Variants in FREM1 observed in about 807,000 individuals in gnomAD.
FREM1 encodes FRAS1 related extracellular matrix 1, also known as FRAS1-related extracellular matrix protein 1.
A neutral mutation model predicts 210.1 loss-of-function variants in FREM1; 220 were observed. The observed-to-expected ratio is 1.05, with a 90% CI of 0.94 to 1.17. The LOEUF is 1.17. Ranked by LOEUF, FREM1 falls within the 50% of genes most tolerant of loss-of-function variation. The pLI is 0.00. For synonymous variants in FREM1, 1,189 were observed against 980.2 expected, an observed-to-expected ratio of 1.21 and a Z score of -3.98; for missense variants, 3,454 against 2,675.5, an observed-to-expected ratio of 1.29 and a Z score of -6.42.
rs755342109 is a variant in FREM1 at position 14,801,750 on chromosome 9, C to T, written c.3596G>A (p.Arg1199Lys). ...CTCAGAGAAGTCTTTGCTAAACCCCCTATCGATGAGGAGGCCATGGCGTGG... is the reference window on the plus strand; with the variant it reads ...CTCAGAGAAGTCTTTGCTAAACCCCTTATCGATGAGGAGGCCATGGCGTGG... ...QKPRHGLLID[R>K]GFSKDFSENK... The change falls in exon 20 of 37, where the codon AGG becomes AAG. Residue 1199 changes from arginine (R) to lysine (K), a missense_variant. Arg to Lys is a conservative substitution (Grantham distance 26, BLOSUM62 2). Transcript: ENST00000380880. The T allele has an allele frequency of 1.9e-6, 3 of 1,613,954 alleles. No homozygotes were observed. The highest frequency in any genetic ancestry group is 2.5e-6 in the Non-Finnish European group (3 of 1,179,862).
At position 14,824,957 on chromosome 9, in the gene FREM1, C is replaced by G. The variant is rs766898128; in HGVS notation, c.1917G>C (p.Gln639His). The G allele has an allele frequency of 1.2e-6, 2 of 1,604,692 alleles. No individual in the cohort carries two copies. Among genetic ancestry groups the G allele is most frequent in the East Asian group, 4.5e-5 (2 of 44,728 alleles). The stretch of plus-strand genomic sequence containing the variant: ...AAACTCCAGGAGCCTCTTTTGGAAG[C>G]TGGTCATCCACTGGAGTTATATGGA... ...ATIHITPVDD[Q>H]LPKEAPGVSR... The change falls in exon 11 of 37, where the codon CAG (glutamine) becomes CAC (histidine). Residue 639 changes from glutamine (Q) to histidine (H), a missense_variant. Gln to His is a conservative substitution (Grantham distance 24). Transcript: ENST00000380880.
intron 12 of FREM1, 84 bp from the exon 13 acceptor site, chr9:14,823,411 A>C (rs1821742706): frequency 2.4e-6 from 3 of 1,240,622 alleles, no homozygotes; most frequent in Middle Eastern, 2.0e-4. Flanking sequence ...CCATCATGTT[A>C]ATTGATATTG....
Position 14,836,111 on chromosome 9 carries a change from C to A in FREM1, c.1881+5336G>T, listed in dbSNP as rs1200606156. Among the ~76,000 whole-genome samples the A allele has an allele frequency of 6.6e-6, 1 of 152,108 alleles. No homozygotes were observed. The highest frequency in any genetic ancestry group is 2.1e-4 in the South Asian group (1 of 4,830). The stretch of plus-strand genomic sequence containing the variant: ...CTTTCTTTGTTTGGGAAAATAAAAC[C>A]AAGGAACTTCATAGACCCCCAAAGG... On this transcript the variant is annotated intron_variant, in intron 10 of 36. Transcript: ENST00000380880. The surrounding 1 kb of genome is among the most constrained non-coding windows in gnomAD (Gnocchi z 4.9).
At chr9:14,825,758 A>G (rs1006946421) in intron 10 of FREM1, among the ~76,000 whole-genome samples, 3 of 151,752 alleles carry the variant, frequency 2.0e-5, no homozygotes, top group Non-Finnish European at 4.4e-5. Flanking sequence ...CTCCACCCAC[A>G]TATAACACAT....
intron 1 of FREM1, among the ~76,000 whole-genome samples, chr9:14,871,225 A>G (rs181541822): frequency 0.015 from 2,341 of 152,268 alleles, 58 homozygotes; most frequent in African/African-American, 0.051. Flanking sequence ...CTGAAGAATC[A>G]CCACACTGAC....
chr9:14,893,409 G>T (rs1404451798), intron 1 of FREM1, among the ~76,000 whole-genome samples: 2 of 152,162 alleles, frequency 1.3e-5, no homozygotes. Flanking sequence ...CAGCAAAACT[G>T]GTCAGTTATG....
In FREM1 at chr9:14,869,100, G is replaced by C; in HGVS notation, c.-123C>G. The C allele has an allele frequency of 1.6e-6, 1 of 620,184 alleles. No homozygotes were observed. The highest frequency in any genetic ancestry group is 2.7e-6 in the Non-Finnish European group (1 of 363,880). 38.4% of individuals were successfully genotyped at this position (620,184 alleles called of 1,614,324 possible). A position where few individuals can be genotyped will look rare whatever the true frequency, so the allele number is the denominator to read the frequency against. The stretch of plus-strand genomic sequence containing the variant: ...GGGCAGGGTGAGGGGTCCTGACAAT[G>C]TGCCCCGAGATCTTAACATGCCCCT... On this transcript the variant is annotated 5_prime_UTR_variant, in exon 2 of 37. Coordinates refer to ENST00000380880, the MANE Select transcript of FREM1 (RefSeq NM_001379081.2).
chr9:14,819,200 G>A, intron 14 of FREM1, 34 bp downstream of exon 14: 3 of 1,457,566 alleles, frequency 2.1e-6, no homozygotes, highest in Non-Finnish European at 2.8e-6. Flanking sequence ...AGAAACTAAA[G>A]CATGTAAATA....
chr9:14,744,356 T>C (rs949126066), intron 35 of FREM1, among the ~76,000 whole-genome samples: 20 of 152,272 alleles, frequency 1.3e-4, no homozygotes, highest in African/African-American at 4.8e-4. Context: ...CAATAAGACA[T>C]TGAACACTTC....
At chr9:14,881,754 A>C (rs1834829128) in intron 1 of FREM1, among the ~76,000 whole-genome samples, 1 of 152,190 alleles carries the variant, frequency 6.6e-6, no homozygotes, top group African/African-American at 2.4e-5. Context: ...CAGAACAAAG[A>C]CTATATTTCA....
At chr9:14,803,216 TTTTC>T (rs1481892306) in intron 19 of FREM1, among the ~76,000 whole-genome samples, 2 of 141,550 alleles carry the variant, frequency 1.4e-5, no homozygotes, top group African/African-American at 5.2e-5. Flanking sequence ...CTTCTTTCTC[TTTTC>T]TTTCTCTTTC....
chr9:14,830,359 A>T (rs1270069561), intron 10 of FREM1, among the ~76,000 whole-genome samples: 2 of 151,976 alleles, frequency 1.3e-5, no homozygotes, highest in Admixed American at 6.5e-5. Context: ...GACACGGGGG[A>T]AGGCAGCAAG....
intron 3 of FREM1, 112 bp downstream of exon 3, chr9:14,863,697 G>A (rs920978315): frequency 1.6e-6 from 1 of 637,706 alleles, no homozygotes; most frequent in Non-Finnish European, 2.8e-6. Flanking sequence ...TTACTTTCTT[G>A]TCTGGAATCT....
intron 23 of FREM1, among the ~76,000 whole-genome samples, chr9:14,788,250 G>C (rs955609673): frequency 6.6e-6 from 1 of 151,956 alleles, no homozygotes; most frequent in African/African-American, 2.4e-5. Context: ...GTAACAGTTG[G>C]GTATCAAGAG....
chr9:14,801,583 T>G, intron 20 of FREM1, 69 bp downstream of exon 20: 1 of 1,088,642 alleles, frequency 9.2e-7, no homozygotes, highest in South Asian at 1.5e-5. Context: ...TTTTTAGATT[T>G]CACATATAAG....
At chr9:14,852,143 G>A (rs1874105) in intron 5 of FREM1, among the ~76,000 whole-genome samples, 99,633 of 152,034 alleles carry the variant, frequency 0.66, 34,946 homozygotes, top group East Asian at 0.83. Flanking sequence ...TTTAAAGGGG[G>A]CAGGAGAAGG....
chr9:14,756,259 G>C, intron 29 of FREM1, 115 bp downstream of exon 29: 1 of 745,370 alleles, frequency 1.3e-6, no homozygotes, highest in Admixed American at 3.0e-5. Flanking sequence ...TCCCTGAGGA[G>C]TTTCTAGTTG....
At chr9:14,860,726 TACACATATATAC>T (rs1829828792) in intron 3 of FREM1, among the ~76,000 whole-genome samples, 1 of 125,820 alleles carries the variant, frequency 7.9e-6, no homozygotes, top group Admixed American at 8.4e-5. Context: ...TACACATATA[TACACATATATAC>T]ACATATATAT....
Position 14,770,688 on chromosome 9 carries a change from G to C in FREM1, c.4976C>G (p.Ser1659Ter). Residue 1659 changes from serine (S) to a stop codon, truncating the protein, a stop_gained, in exon 26 of 37, where the codon TCA becomes TGA. Transcript: ENST00000380880. LOFTEE classifies it high-confidence loss of function. ...CTGATCGTCCTCAGTGTCAGGGTCT[G>C]ATGCCTTCAACACGCGGGAAGTGAT... is the stretch of plus-strand genomic sequence containing the variant. ...IYITSRVLKA[S>*]DPDTEDDQII... is the part of the protein sequence containing the mutation. The C allele has an allele frequency of 6.2e-7, 1 of 1,613,474 alleles. No individual in the cohort carries two copies. Among genetic ancestry groups the C allele is most frequent in the Non-Finnish European group, 8.5e-7 (1 of 1,179,488 alleles).
Sources: allele counts gnomAD v4.1 joint callset (sites outside exome capture counted in the v4.1 genomes callset), GRCh38; gene constraint gnomAD v4.1.1; non-coding constraint Gnocchi (gnomAD v3.1); transcripts MANE v1.5; gene names NCBI Gene and HGNC (gene_info 2026-07-23, HGNC 2026-07-21).